DIP2C: variants seen among roughly 807,000 people sequenced by gnomAD.
DIP2C encodes disco-interacting protein 2 homolog C.
A neutral mutation model predicts 192.4 loss-of-function variants in DIP2C; 33 were observed. The ratio of observed to expected loss-of-function variants is 0.17; its 90% confidence interval spans 0.13 to 0.23. The LOEUF is 0.23. Ranked by LOEUF, DIP2C falls within the 10% of genes least tolerant of loss-of-function variation. DIP2C has a pLI of 1.00. For synonymous variants in DIP2C, 979 were observed against 864.1 expected (o/e 1.13, Z -2.33); for missense variants, 1,537 against 2,110.1 (o/e 0.73, Z 5.32).
At chr10:669,109 G>C in intron 1 of DIP2C, 1 of 152,160 alleles carries the variant, frequency 6.6e-6, no homozygotes, top group East Asian at 1.9e-4. Flanking sequence ...AGAAAGATCA[G>C]CCAGAATCCA....
At chr10:347,321 C>T (rs1417335619) in intron 26 of DIP2C, among the ~76,000 whole-genome samples, 4 of 119,248 alleles carry the variant, frequency 3.4e-5, no homozygotes, top group Admixed American at 1.8e-4. Flanking sequence ...CCAGACATAT[C>T]GCGTATAGTT....
chr10:678,729 T>G (rs1178751705), intron 1 of DIP2C, among the ~76,000 whole-genome samples: 1 of 17,774 alleles, frequency 5.6e-5, no homozygotes, highest in African/African-American at 9.6e-5. Flanking sequence ...CCCACACCCG[T>G]GCTCCCCGCG....
intron 31 of DIP2C, among the ~76,000 whole-genome samples, chr10:321,604 C>T (rs61837310): frequency 0.017 from 1,447 of 86,944 alleles, 23 homozygotes; most frequent in African/African-American, 0.049. Context: ...GAGACCGGCG[C>T]TGTTAGAACA....
chr10:529,339 G>A (rs1161112836), intron 1 of DIP2C, among the ~76,000 whole-genome samples: 1 of 139,840 alleles, frequency 7.2e-6, no homozygotes, highest in Non-Finnish European at 1.5e-5. Context: ...TGTCCTAGAA[G>A]GCAGCGGCTG....
intron 1 of DIP2C, among the ~76,000 whole-genome samples, chr10:529,437 C>T (rs867712927): frequency 6.6e-5 from 10 of 151,852 alleles, no homozygotes; most frequent in African/African-American, 2.4e-4. Flanking sequence ...TTGCCATGCT[C>T]CTGTCACCTG....
At chr10:345,206 C>G in intron 26 of DIP2C, 96 bp from the exon 27 acceptor site, 1 of 1,176,916 alleles carries the variant, frequency 8.5e-7, no homozygotes, top group Non-Finnish European at 1.2e-6. Context: ...TACACTAAAA[C>G]CATGTAGCTT....
chr10:650,033 G>C, intron 1 of DIP2C: 1 of 687,444 alleles, frequency 1.5e-6, no homozygotes. Context: ...AGGCAATTCT[G>C]AGCCTTTCCT....
chr10:580,478 A>G (rs1850558640), intron 1 of DIP2C, among the ~76,000 whole-genome samples: 1 of 152,224 alleles, frequency 6.6e-6, no homozygotes, highest in Non-Finnish European at 1.5e-5. Context: ...CAGTACAGAT[A>G]CATGTCCAAA....
At chr10:464,678 A>C (rs181448648) in intron 3 of DIP2C, among the ~76,000 whole-genome samples, 146 of 152,322 alleles carry the variant, frequency 9.6e-4, no homozygotes, top group African/African-American at 3.4e-3. Context: ...ACACATACAA[A>C]CGTATGTTTA....
chr10:579,530 A>C (rs1850441763), intron 1 of DIP2C, among the ~76,000 whole-genome samples: 1 of 152,084 alleles, frequency 6.6e-6, no homozygotes, highest in African/African-American at 2.4e-5. Flanking sequence ...GCATACACAC[A>C]TCCAGATCCA....
At chr10:496,552 T>C (rs1208940626) in intron 1 of DIP2C, among the ~76,000 whole-genome samples, 1 of 140,434 alleles carries the variant, frequency 7.1e-6, no homozygotes, top group Non-Finnish European at 1.5e-5. Context: ...ACAACGTGAG[T>C]GCTGAGTACA....
chr10:281,393 A>G (rs1413574325), intron 35 of DIP2C, 70 bp from the exon 36 acceptor site: 5 of 1,509,860 alleles, frequency 3.3e-6, no homozygotes, highest in Admixed American at 4.3e-5. Context: ...CTTTTCTTAA[A>G]AAAAGATTAA....
At chr10:462,480 G>C (rs994418564) in intron 3 of DIP2C, among the ~76,000 whole-genome samples, 5 of 152,192 alleles carry the variant, frequency 3.3e-5, no homozygotes, top group African/African-American at 1.2e-4. Flanking sequence ...CCAGGTAGAA[G>C]CTGAATCCCT....
intron 24 of DIP2C, among the ~76,000 whole-genome samples, chr10:350,505 A>G (rs1458650248): frequency 6.6e-6 from 1 of 152,106 alleles, no homozygotes; most frequent in Non-Finnish European, 1.5e-5. Flanking sequence ...CTTCTTTGTG[A>G]TCAGATTCTG....
intron 13 of DIP2C, among the ~76,000 whole-genome samples, chr10:388,103 T>A (rs532750612): frequency 6.6e-6 from 1 of 152,060 alleles, no homozygotes; most frequent in Non-Finnish European, 1.5e-5. Flanking sequence ...TCTGCCTTTT[T>A]CTTTAAAAGA....
intron 1 of DIP2C, among the ~76,000 whole-genome samples, chr10:612,538 G>A (rs889752292): frequency 6.6e-6 from 1 of 152,116 alleles, no homozygotes; most frequent in African/African-American, 2.4e-5. Context: ...ATTTTTCTTT[G>A]CACTTTGATT....
chr10:523,931 A>T lies in DIP2C; in HGVS notation c.86-37401T>A, dbSNP rs528875546. The stretch of plus-strand genomic sequence containing the variant: ...CAGCCCAGGAAACCCAAAGCATTTT[A>T]GGAACCTGAGGGGTGGGCCAAGGGG... On this transcript the variant is annotated intron_variant, in intron 1 of 36. Transcript: ENST00000280886. Among the ~76,000 whole-genome samples, 484 of 152,330 alleles carry T rather than the reference A, an allele frequency of 3.2e-3. 4 individuals carry two copies. The highest frequency in any genetic ancestry group is 0.011 in the African/African-American group (467 of 41,560).
chr10:319,449 G>A (rs1419745201), intron 31 of DIP2C, among the ~76,000 whole-genome samples: 1 of 152,014 alleles, frequency 6.6e-6, no homozygotes, highest in Non-Finnish European at 1.5e-5. Context: ...GGTCTCTTTT[G>A]GAAAACAGAA....
Position 414,884 on chromosome 10 carries a change from GTGTGTGTATATA to G in DIP2C, c.860-786_860-775del, listed in dbSNP as rs1343426918. ...TGTGTGTGTGTGTGTGTGTGTGTGT[GTGTGTGTATATA>G]TATATATATATTTTTTTTTTTTTTT... On this transcript the variant is annotated intron_variant, in intron 7 of 36. Coordinates refer to ENST00000280886, the MANE Select transcript of DIP2C (RefSeq NM_014974.3). 9.4e-5 allele frequency among the ~76,000 whole-genome samples: 6 copies of G among 64,062 alleles called. 1 individual carries two copies. Among genetic ancestry groups the G allele is most frequent in the Non-Finnish European group, 1.4e-4 (4 of 29,502 alleles). 42.0% of individuals were successfully genotyped at this position (64,062 alleles called of 152,430 possible). A position where few individuals can be genotyped will look rare whatever the true frequency, so the allele number is the denominator to read the frequency against.
Sources: allele counts gnomAD v4.1 joint callset (sites outside exome capture counted in the v4.1 genomes callset), GRCh38; gene constraint gnomAD v4.1.1; transcripts MANE v1.5; gene names NCBI Gene and HGNC (gene_info 2026-07-23, HGNC 2026-07-21).